The following MSH3 variants were observed in gnomAD, a reference collection of about 807,000 sequenced individuals.
MSH3 encodes the protein mutS homolog 3.
A neutral mutation model predicts 123.3 loss-of-function variants in MSH3; 106 were observed. That is an observed-to-expected ratio of 0.86 (90% CI 0.73 to 1.01). The LOEUF is 1.01. Among genes scored for constraint, MSH3 ranks in the 50% least tolerant of loss-of-function variants. The probability of loss-of-function intolerance (pLI) is 0.00; values close to 1 mark genes in which losing one functional copy is unlikely to be tolerated. For missense variants in MSH3, 1,459 were observed against 1,347.6 expected, an observed-to-expected ratio of 1.08 and a Z score of -1.29; for synonymous variants, 515 against 481.4, an observed-to-expected ratio of 1.07 and a Z score of -0.91.
chr5:80,786,031 T>C (rs1490702830), intron 17 of MSH3, among the ~76,000 whole-genome samples: 2 of 151,892 alleles, frequency 1.3e-5, no homozygotes, highest in Non-Finnish European at 2.9e-5. Context: ...TTGGGAGATA[T>C]ACCTAACGCT....
chr5:80,687,358 G>A (rs891842610), intron 8 of MSH3, among the ~76,000 whole-genome samples: 4 of 152,198 alleles, frequency 2.6e-5, no homozygotes, highest in African/African-American at 9.6e-5. Flanking sequence ...AAATGGTTGA[G>A]AGGAAAGCTT....
At chr5:80,719,986 A>T (rs1751047764) in intron 8 of MSH3, among the ~76,000 whole-genome samples, 1 of 152,152 alleles carries the variant, frequency 6.6e-6, no homozygotes, top group African/African-American at 2.4e-5. Context: ...GTTTCTAACA[A>T]GTCCCCAGGT....
rs1015764579 is a variant in MSH3 at position 80,665,377 on chromosome 5, A to G, written c.579+14A>G. On this transcript the variant is annotated intron_variant, in intron 3 of 23. Transcript: ENST00000265081. ...ATTAATCAAAAGGTATGTAACTGCT[A>G]TAGATGAGTATCCAGTTACCTAGAA... 9 of 1,578,488 alleles carry G rather than the reference A, an allele frequency of 5.7e-6. No homozygotes were observed. The highest frequency in any genetic ancestry group is 2.7e-5 in the African/African-American group (2 of 74,216).
At chr5:80,764,354 T>G (rs1744088532) in intron 13 of MSH3, among the ~76,000 whole-genome samples, 1 of 151,938 alleles carries the variant, frequency 6.6e-6, no homozygotes, top group Admixed American at 6.6e-5. Flanking sequence ...GAGCTGATTC[T>G]GGTATAAAAT....
At chr5:80,742,585 A>G (rs1743636691) in intron 11 of MSH3, among the ~76,000 whole-genome samples, 1 of 152,204 alleles carries the variant, frequency 6.6e-6, no homozygotes, top group African/African-American at 2.4e-5. Flanking sequence ...TAAACACTGA[A>G]TTTATTCTCC....
chr5:80,826,899 A>G (rs1745324069), intron 20 of MSH3, among the ~76,000 whole-genome samples: 1 of 152,222 alleles, frequency 6.6e-6, no homozygotes, highest in South Asian at 2.1e-4. Context: ...CTTTTCCTGA[A>G]TAAGAAGCAG....
chr5:80,772,185 A>C, intron 15 of MSH3, among the ~76,000 whole-genome samples: 1 of 152,210 alleles, frequency 6.6e-6, no homozygotes, highest in East Asian at 1.9e-4. Context: ...TAAGGGAAAA[A>C]GAAAAATATT....
intron 21 of MSH3, among the ~76,000 whole-genome samples, chr5:80,862,779 A>T (rs1022124760): frequency 1.9e-4 from 29 of 152,252 alleles, no homozygotes; most frequent in African/African-American, 7.0e-4. Flanking sequence ...AAAATTTGTT[A>T]ATTCATACTG....
intron 8 of MSH3, among the ~76,000 whole-genome samples, chr5:80,713,205 T>A (rs1750891845): frequency 6.6e-6 from 1 of 152,216 alleles, no homozygotes; most frequent in Admixed American, 6.5e-5. Context: ...GGTCTGTTAT[T>A]TGATGCCAGA....
At chr5:80,836,661 T>G (rs1438150087) in intron 20 of MSH3, among the ~76,000 whole-genome samples, 1 of 151,608 alleles carries the variant, frequency 6.6e-6, no homozygotes, top group Non-Finnish European at 1.5e-5. Flanking sequence ...TGATATAAAG[T>G]GGGATATTTG....
At chr5:80,689,690 T>C (rs1263452016) in intron 8 of MSH3, among the ~76,000 whole-genome samples, 1 of 151,652 alleles carries the variant, frequency 6.6e-6, no homozygotes, top group African/African-American at 2.4e-5. Flanking sequence ...TTCAAGGGGA[T>C]ATATCCCCAA....
In MSH3 at chr5:80,761,649, A is replaced by C; in HGVS notation, c.1867A>C (p.Arg623=). ...TCTACGTAAATTGCCCGACATAGAG[A>C]GGGGACTCTGTAGCATTTATCACAA... ...NHLRKLPDIE[R]GLCSIYHKKC... The change falls in exon 13 of 24, where the codon AGG becomes CGG. Residue 623 remains arginine (R), a synonymous_variant. Transcript: ENST00000265081. 1 of 1,614,128 alleles carries C rather than the reference A, an allele frequency of 6.2e-7. No homozygotes were observed. Among genetic ancestry groups the C allele is most frequent in the Non-Finnish European group, 8.5e-7 (1 of 1,180,004 alleles).
At chr5:80,805,888 C>T (rs1561484188) in intron 19 of MSH3, among the ~76,000 whole-genome samples, 1 of 151,370 alleles carries the variant, frequency 6.6e-6, no homozygotes, top group Non-Finnish European at 1.5e-5. Context: ...CACCCGGCCC[C>T]AATATGATGC....
intron 21 of MSH3, among the ~76,000 whole-genome samples, chr5:80,861,238 T>C (rs1413405158): frequency 6.6e-6 from 1 of 152,214 alleles, no homozygotes; most frequent in African/African-American, 2.4e-5. Flanking sequence ...TCTTGACAGC[T>C]GGCTATGATG....
intron 12 of MSH3, among the ~76,000 whole-genome samples, chr5:80,750,618 G>C (rs1743816009): frequency 6.6e-6 from 1 of 152,034 alleles, no homozygotes; most frequent in Admixed American, 6.6e-5. Context: ...TGTATATTTG[G>C]TATATTAGCC....
At chr5:80,779,475 G>C (rs913535290) in intron 17 of MSH3, among the ~76,000 whole-genome samples, 1 of 151,236 alleles carries the variant, frequency 6.6e-6, no homozygotes, top group Non-Finnish European at 1.5e-5. Flanking sequence ...TTAAGCCTAC[G>C]TCTTTAAAAA....
intron 20 of MSH3, among the ~76,000 whole-genome samples, chr5:80,819,152 G>A (rs146901049): frequency 0.014 from 2,165 of 151,834 alleles, 24 homozygotes; most frequent in Non-Finnish European, 0.021. Flanking sequence ...TTAATTTATA[G>A]CATGTGGCAC....
chr5:80,837,846 C>T (rs903925073), intron 20 of MSH3, among the ~76,000 whole-genome samples: 5 of 152,180 alleles, frequency 3.3e-5, no homozygotes, highest in African/African-American at 1.2e-4. Flanking sequence ...GGGATTCTCA[C>T]CTTGAGTCAG....
chr5:80,689,459 C>T (rs1750177656), intron 8 of MSH3, among the ~76,000 whole-genome samples: 1 of 152,048 alleles, frequency 6.6e-6, no homozygotes, highest in Non-Finnish European at 1.5e-5. Context: ...TTCTTGCTAA[C>T]CTCCTCACCC....
Sources: gnomAD v4.1 joint callset for allele counts (sites outside exome capture counted in the v4.1 genomes callset) on GRCh38, gnomAD v4.1.1 for gene constraint, MANE v1.5 for transcripts, NCBI Gene and HGNC (gene_info 2026-07-23, HGNC 2026-07-21) for gene names.